Variants in SEMA3E observed in about 807,000 individuals in gnomAD.
The protein encoded by SEMA3E is semaphorin 3E.
In SEMA3E, 49 loss-of-function variants were observed where a neutral mutation model predicts 93.6. That is an observed-to-expected ratio of 0.52 (90% CI 0.42 to 0.66). The LOEUF (loss-of-function observed/expected upper bound fraction) is 0.66. Ranked by LOEUF, SEMA3E falls within the 30% of genes least tolerant of loss-of-function variation. The pLI is 0.00. For synonymous variants in SEMA3E, 363 were observed against 330.7 expected, an observed-to-expected ratio of 1.10 and a Z score of -1.06; for missense variants, 906 against 964.8, an observed-to-expected ratio of 0.94 and a Z score of 0.81.
chr7:83,451,706 A>G (rs1157435234), intron 4 of SEMA3E, among the ~76,000 whole-genome samples: 2 of 152,212 alleles, frequency 1.3e-5, no homozygotes, highest in African/African-American at 4.8e-5. Flanking sequence ...GGCTCCAACT[A>G]CTTAGCACCA....
intron 4 of SEMA3E, among the ~76,000 whole-genome samples, chr7:83,434,682 T>TTTG (rs1788963695): frequency 6.6e-6 from 1 of 151,778 alleles, no homozygotes; most frequent in African/African-American, 2.4e-5. Context: ...AATTTGAGGA[T>TTTG]AGATTTATTT....
chr7:83,429,688 C>T (rs1296416693), intron 4 of SEMA3E, among the ~76,000 whole-genome samples: 1 of 152,142 alleles, frequency 6.6e-6, no homozygotes, highest in Non-Finnish European at 1.5e-5. Context: ...CAGGCTTTGT[C>T]CCTCATAGTT....
At chr7:83,550,932 T>G (rs2115799982) in intron 1 of SEMA3E, among the ~76,000 whole-genome samples, 2 of 152,216 alleles carry the variant, frequency 1.3e-5, no homozygotes, top group Middle Eastern at 6.8e-3. Context: ...TATAAAAAGT[T>G]TTCAACCTCA....
rs189332550 is a variant in SEMA3E, at chr7:83,454,126, C to T, written c.456+12356G>A. ...ACAAAAAATTAGCCTGGCGTGGTGGCGGGCTCTTGTAGTCCCAGCTACTCG... is the reference window on the plus strand; with the variant it reads ...ACAAAAAATTAGCCTGGCGTGGTGGTGGGCTCTTGTAGTCCCAGCTACTCG... On this transcript the variant is annotated intron_variant, in intron 4 of 16. Coordinates refer to ENST00000643230, the MANE Select transcript of SEMA3E (RefSeq NM_012431.3). Among the ~76,000 whole-genome samples, 40 of 150,788 alleles carry T rather than the reference C, an allele frequency of 2.7e-4. 1 individual carries two copies. In the East Asian group the frequency reaches 6.3e-3, roughly 24 times the overall value.
intron 1 of SEMA3E, among the ~76,000 whole-genome samples, chr7:83,635,983 T>G (rs1793876215): frequency 6.6e-6 from 1 of 152,146 alleles, no homozygotes; most frequent in African/African-American, 2.4e-5. Flanking sequence ...CTTTTCTTTC[T>G]GCTTTGTCAT....
chr7:83,481,406 A>G (rs569626651), intron 2 of SEMA3E, among the ~76,000 whole-genome samples: 2 of 152,196 alleles, frequency 1.3e-5, no homozygotes, highest in South Asian at 2.1e-4. Flanking sequence ...TTTTTTTTCA[A>G]TTTCTTAAAA....
At chr7:83,553,083 C>CTTACT (rs577222064) in intron 1 of SEMA3E, among the ~76,000 whole-genome samples, 7 of 152,214 alleles carry the variant, frequency 4.6e-5, no homozygotes, top group African/African-American at 1.7e-4. Flanking sequence ...TTAATAAAAA[C>CTTACT]TTGCTGGCTT....
At chr7:83,493,847 A>G (rs1790434002) in intron 1 of SEMA3E, among the ~76,000 whole-genome samples, 1 of 151,858 alleles carries the variant, frequency 6.6e-6, no homozygotes, top group African/African-American at 2.4e-5. Flanking sequence ...GCTTTTCCTA[A>G]CTGGTTACAA....
At chr7:83,648,150 T>C (rs2115731433) in intron 1 of SEMA3E, among the ~76,000 whole-genome samples, 1 of 152,264 alleles carries the variant, frequency 6.6e-6, no homozygotes, top group East Asian at 1.9e-4. Context: ...TTCCGCGGGC[T>C]AGTGAGTGAA....
intron 7 of SEMA3E, among the ~76,000 whole-genome samples, chr7:83,406,732 C>G (rs372203198): frequency 3.3e-4 from 50 of 151,768 alleles, no homozygotes; most frequent in African/African-American, 1.2e-3. Context: ...TTTAACCAAC[C>G]GAATTGTTCA....
At chr7:83,597,137 T>TATACTCCTGGAAAGGGACATATCC (rs1792892281) in intron 1 of SEMA3E, among the ~76,000 whole-genome samples, 2 of 152,090 alleles carry the variant, frequency 1.3e-5, no homozygotes, top group Non-Finnish European at 2.9e-5. Flanking sequence ...CCCACATATC[T>TATACTCCTGGAAAGGGACATATCC]ATACTCCTGG....
chr7:83,364,693 A>T lies in SEMA3E; in HGVS notation c.*2893T>A, dbSNP rs1179407553. On this transcript the variant is annotated 3_prime_UTR_variant, in exon 17 of 17. Transcript: ENST00000643230. Reference sequence around the variant, plus strand: ...TTTTATGTCAAAACTAAGTCTATCCACAGGTCCTCTCCTGTAACAAAGATA... The same window carrying T: ...TTTTATGTCAAAACTAAGTCTATCCTCAGGTCCTCTCCTGTAACAAAGATA... The T allele has an allele frequency of 6.6e-6, 1 of 152,242 alleles. No homozygotes were observed. Among genetic ancestry groups the T allele is most frequent in the Admixed American group, 6.5e-5 (1 of 15,286 alleles). The allele number at this position is 152,242 out of a possible 1,614,324, so 9.4% of individuals were successfully genotyped here. A position where few individuals can be genotyped will look rare whatever the true frequency, so the allele number is the denominator to read the frequency against.
At chr7:83,599,243 A>G (rs1214318549) in intron 1 of SEMA3E, among the ~76,000 whole-genome samples, 1 of 152,208 alleles carries the variant, frequency 6.6e-6, no homozygotes, top group Non-Finnish European at 1.5e-5. Context: ...AAAATAGTAA[A>G]TCTAGAGGAA....
intron 4 of SEMA3E, among the ~76,000 whole-genome samples, chr7:83,455,479 C>T (rs1316436673): frequency 2.6e-5 from 4 of 152,206 alleles, no homozygotes; most frequent in Admixed American, 2.6e-4. Flanking sequence ...TGTATTAATG[C>T]AACCTTTCTT....
chr7:83,546,149 T>A (rs1427128267), intron 1 of SEMA3E, among the ~76,000 whole-genome samples: 1 of 149,498 alleles, frequency 6.7e-6, no homozygotes, highest in East Asian at 1.9e-4. Flanking sequence ...GGGAAAAAAA[T>A]TTCATGTTTG....
chr7:83,429,414 C>T (rs953763548), intron 4 of SEMA3E, among the ~76,000 whole-genome samples: 1 of 152,186 alleles, frequency 6.6e-6, no homozygotes, highest in East Asian at 1.9e-4. Context: ...CCCTCTCAAA[C>T]TCTTTAATTC....
chr7:83,403,045 C>T (rs1039400747), intron 9 of SEMA3E, among the ~76,000 whole-genome samples: 2 of 151,724 alleles, frequency 1.3e-5, no homozygotes, highest in Admixed American at 6.6e-5. Flanking sequence ...TATTTTTAAA[C>T]CTTGTGTTTT....
chr7:83,536,819 T>C (rs950222004), intron 1 of SEMA3E, among the ~76,000 whole-genome samples: 2 of 152,168 alleles, frequency 1.3e-5, no homozygotes, highest in African/African-American at 4.8e-5. Context: ...TGTAGAAATA[T>C]CCAGTATTTA....
chr7:83,578,147 T>TAA (rs35666333), intron 1 of SEMA3E, among the ~76,000 whole-genome samples: 25,685 of 150,452 alleles, frequency 0.17, 3,504 homozygotes, highest in African/African-American at 0.37. Flanking sequence ...GTTTTCTCAT[T>TAA]AAAAAAAAAC....
Sources: gnomAD v4.1 joint callset for allele counts (sites outside exome capture counted in the v4.1 genomes callset) on GRCh38, gnomAD v4.1.1 for gene constraint, MANE v1.5 for transcripts, NCBI Gene and HGNC (gene_info 2026-07-23, HGNC 2026-07-21) for gene names.